ETV1: variants seen among roughly 807,000 people sequenced by gnomAD.
ETV1 encodes the protein ETS translocation variant 1.
ETV1 carries 27 observed loss-of-function variants against 62.3 expected under a neutral mutation model. The observed-to-expected ratio is 0.43, with a 90% CI of 0.32 to 0.60. ETV1 has a LOEUF of 0.60. Among genes scored for constraint, ETV1 ranks in the 20% least tolerant of loss-of-function variants. The pLI is 0.06. For synonymous variants in ETV1, 222 were observed against 199.6 expected (o/e 1.11, Z -0.94); for missense variants, 605 against 605.8 (o/e 1.00, Z 0.01).
At chr7:13,937,782 C>T (rs1224423240) in intron 7 of ETV1, among the ~76,000 whole-genome samples, 1 of 152,216 alleles carries the variant, frequency 6.6e-6, no homozygotes, top group Non-Finnish European at 1.5e-5. Flanking sequence ...TTACCTTCTA[C>T]AAGAGACCTT....
intron 6 of ETV1, among the ~76,000 whole-genome samples, chr7:13,956,540 C>A (rs1789484196): frequency 6.6e-6 from 1 of 152,144 alleles, no homozygotes; most frequent in Non-Finnish European, 1.5e-5. Flanking sequence ...TTTACTTTGA[C>A]TTGCTAACTG....
Position 13,909,626 on chromosome 7 carries a change from A to G in ETV1, c.940+6T>C, listed in dbSNP as rs753438267. 9.3e-6 allele frequency: 15 copies of G among 1,610,954 alleles called. No individual in the cohort carries two copies. The highest frequency in any genetic ancestry group is 1.3e-5 in the Non-Finnish European group (15 of 1,177,532). On this transcript the variant is annotated splice_donor_region_variant and intron_variant, in intron 11 of 13. Coordinates refer to ENST00000430479, the MANE Select transcript of ETV1 (RefSeq NM_004956.5). ...ATCAGAACTTGAGGCAAAGTGTAAA[A>G]CCTACCATCGAATTTTTCTGGGACA...
intron 5 of ETV1, chr7:13,985,351 T>A (rs1782443681): frequency 6.6e-6 from 1 of 152,134 alleles, no homozygotes; most frequent in Non-Finnish European, 1.5e-5. Context: ...TCAGTAAGTC[T>A]TACCTTCATT....
chr7:13,896,743 GGAAAGAAAGAAAGAAAGAAAGAAA>G (rs10694579), intron 13 of ETV1, among the ~76,000 whole-genome samples: 1 of 115,300 alleles, frequency 8.7e-6, no homozygotes, highest in African/African-American at 3.4e-5. Context: ...AAGAAAGAAA[GGAAAGAAAGAAAGAAAGAAAGAAA>G]GAAAGAAAGA....
Position 13,894,611 on chromosome 7 carries a change from C to T in ETV1, c.*1255G>A, listed in dbSNP as rs1223848845. On this transcript the variant is annotated 3_prime_UTR_variant, in exon 14 of 14. Transcript: ENST00000430479. ...CAATGTGCATAAAAGCTGCTTATAG[C>T]ATAGCATGGCGTAAGCTATTTTTTA... The T allele has an allele frequency of 4.3e-6, 1 of 232,374 alleles. No homozygotes were observed. Among genetic ancestry groups the T allele is most frequent in the African/African-American group, 2.2e-5 (1 of 45,298 alleles). The allele number at this position is 232,374 out of a possible 1,614,324, so 14.4% of individuals were successfully genotyped here. A position where few individuals can be genotyped will look rare whatever the true frequency, so the allele number is the denominator to read the frequency against.
chr7:13,912,382 T>C (rs1002807781), intron 9 of ETV1, among the ~76,000 whole-genome samples: 2 of 152,212 alleles, frequency 1.3e-5, no homozygotes, highest in African/African-American at 4.8e-5. Context: ...AAATTTGAGA[T>C]CTGATGGATA....
intron 11 of ETV1, among the ~76,000 whole-genome samples, chr7:13,908,077 T>C (rs990535291): frequency 1.3e-5 from 2 of 152,162 alleles, no homozygotes; most frequent in African/African-American, 4.8e-5. Context: ...GTCTCTATAT[T>C]GCTTCTGCCT....
At chr7:13,912,478 T>C (rs1290052340) in intron 9 of ETV1, among the ~76,000 whole-genome samples, 2 of 152,268 alleles carry the variant, frequency 1.3e-5, no homozygotes, top group East Asian at 1.9e-4. Context: ...TTCTAATCTA[T>C]GATATTTAAG....
At chr7:13,909,897 T>C (rs532868552) in intron 10 of ETV1, among the ~76,000 whole-genome samples, 197 bp from the exon 11 acceptor site, 1 of 152,272 alleles carries the variant, frequency 6.6e-6, no homozygotes, top group East Asian at 1.9e-4. Context: ...GTAACACCAC[T>C]TATCATGTTA....
intron 5 of ETV1, among the ~76,000 whole-genome samples, chr7:13,982,148 C>T (rs1782048646): frequency 6.6e-6 from 1 of 152,060 alleles, no homozygotes; most frequent in Non-Finnish European, 1.5e-5. Context: ...AAATCAGCTT[C>T]AATTCCTAAC....
intron 6 of ETV1, among the ~76,000 whole-genome samples, chr7:13,970,960 T>A (rs1375597316): frequency 1.3e-5 from 2 of 152,088 alleles, no homozygotes; most frequent in Non-Finnish European, 1.5e-5. Context: ...TTCTTTCTTT[T>A]ATTTATTTTA....
chr7:13,965,271 C>T (rs1412934442), intron 6 of ETV1, among the ~76,000 whole-genome samples: 2 of 152,178 alleles, frequency 1.3e-5, no homozygotes, highest in Non-Finnish European at 2.9e-5. Context: ...GGAATAGTTC[C>T]CGAACACCAT....
At chr7:13,950,918 A>ACAC (rs1788737692) in intron 6 of ETV1, among the ~76,000 whole-genome samples, 1 of 141,396 alleles carries the variant, frequency 7.1e-6, no homozygotes, top group African/African-American at 2.5e-5. Flanking sequence ...ACACACACAC[A>ACAC]CACACACACA....
chr7:13,975,395 A>C (rs1216707551), intron 6 of ETV1, among the ~76,000 whole-genome samples: 1 of 151,930 alleles, frequency 6.6e-6, no homozygotes, highest in Non-Finnish European at 1.5e-5. Context: ...AAAGACAAAA[A>C]ATTAGCTGGG....
rs887463045 is a variant in ETV1 at position 13,891,881 on chromosome 7, T to C, written c.*3985A>G. The C allele has an allele frequency of 4.3e-6, 1 of 231,360 alleles. No individual in the cohort carries two copies. The highest frequency in any genetic ancestry group is 2.2e-5 in the African/African-American group (1 of 45,272). 14.3% of individuals were successfully genotyped at this position (231,360 alleles called of 1,614,324 possible). ...TCACTTCTTATTTTTAAATTTTAGT[T>C]TTTGTTTTCTAGGATTCCAAGTAAC... is the stretch of plus-strand genomic sequence containing the variant. On this transcript the variant is annotated 3_prime_UTR_variant, in exon 14 of 14. Transcript: ENST00000430479.
At position 13,989,456 on chromosome 7, in the gene ETV1, C is replaced by G. The variant is rs1782859140; in HGVS notation, c.-276G>C. The G allele has an allele frequency of 2.4e-6, 1 of 417,942 alleles. No individual in the cohort carries two copies. The highest frequency in any genetic ancestry group is 2.0e-5 in the African/African-American group (1 of 48,794). 25.9% of individuals were successfully genotyped at this position (417,942 alleles called of 1,614,324 possible). On this transcript the variant is annotated 5_prime_UTR_variant, in exon 2 of 14. Coordinates refer to ENST00000430479, the MANE Select transcript of ETV1 (RefSeq NM_004956.5). ...GCGATCAACGAGACTTGCTTTGCAC[C>G]TAACGGGACTAAAGAGACGGAGACA...
intron 6 of ETV1, 109 bp downstream of exon 6, chr7:13,977,318 G>T: frequency 1.5e-6 from 1 of 668,252 alleles, no homozygotes; most frequent in Non-Finnish European, 2.6e-6. Flanking sequence ...AAAAGGTGCT[G>T]GTACAATGTA....
rs563694422 is a variant in ETV1, at chr7:13,918,470, G to C, written c.803-7163C>G. On this transcript the variant is annotated intron_variant, in intron 9 of 13. Coordinates refer to ENST00000430479, the MANE Select transcript of ETV1 (RefSeq NM_004956.5). ...GCATTATTCACAATAGCAAAGACTT[G>C]GAACCAACCCAAATGTCCAACAATG... 1.2e-3 allele frequency among the ~76,000 whole-genome samples: 187 copies of C among 152,094 alleles called. 2 individuals carry two copies. Among genetic ancestry groups the C allele is most frequent in the East Asian group, 5.2e-3 (27 of 5,166 alleles).
intron 5 of ETV1, among the ~76,000 whole-genome samples, chr7:13,978,467 GA>G (rs1310378712): frequency 6.6e-6 from 1 of 151,820 alleles, no homozygotes; most frequent in African/African-American, 2.4e-5. Flanking sequence ...AAAATATAAT[GA>G]ATTATCATCC....
Sources: allele counts gnomAD v4.1 joint callset (sites outside exome capture counted in the v4.1 genomes callset), GRCh38; gene constraint gnomAD v4.1.1; transcripts MANE v1.5; gene names NCBI Gene and HGNC (gene_info 2026-07-23, HGNC 2026-07-21).